Variants in NVL observed in about 807,000 individuals in gnomAD.
The protein encoded by NVL is nuclear VCP like.
In NVL, 84 loss-of-function variants were observed where a neutral mutation model predicts 110.2. The ratio of observed to expected loss-of-function variants is 0.76; its 90% CI spans 0.64 to 0.91. The LOEUF is 0.91. NVL is among the 40% of genes least tolerant of loss of function. NVL has a pLI of 0.00. For synonymous variants in NVL, 354 were observed against 361.1 expected (o/e 0.98, Z 0.22); for missense variants, 882 against 1,035.9 (o/e 0.85, Z 2.04).
chr1:224,262,226 T>C (rs1664065846), intron 18 of NVL, among the ~76,000 whole-genome samples: 1 of 151,950 alleles, frequency 6.6e-6, no homozygotes, highest in Non-Finnish European at 1.5e-5. Flanking sequence ...GGAATGAGAA[T>C]GACATGGAAC....
intron 9 of NVL, 71 bp from the exon 10 acceptor site, chr1:224,300,734 C>T: frequency 8.4e-7 from 1 of 1,186,262 alleles, no homozygotes; most frequent in Non-Finnish European, 1.2e-6. Context: ...ATCCAGTCCC[C>T]TCAAATTTTT....
chr1:224,250,187 A>G (rs78473436), intron 19 of NVL, 25 bp downstream of exon 19: 101,046 of 1,604,364 alleles, frequency 0.063, 3,726 homozygotes, highest in South Asian at 0.12. Context: ...AACATATACA[A>G]AAATATACCA....
At chr1:224,326,810 GAT>G (rs537004193) in intron 1 of NVL, among the ~76,000 whole-genome samples, 2 of 152,258 alleles carry the variant, frequency 1.3e-5, no homozygotes, top group East Asian at 3.9e-4. Context: ...GGAACACAGT[GAT>G]ATTTGACATC....
intron 19 of NVL, among the ~76,000 whole-genome samples, chr1:224,249,501 T>C (rs1046809205): frequency 2.0e-5 from 3 of 151,974 alleles, no homozygotes; most frequent in Admixed American, 1.3e-4. Flanking sequence ...TCCCAGCACT[T>C]TGGGAGGCCG....
intron 8 of NVL, among the ~76,000 whole-genome samples, chr1:224,304,481 T>C (rs1668724595): frequency 6.6e-6 from 1 of 151,956 alleles, no homozygotes; most frequent in African/African-American, 2.4e-5. Flanking sequence ...CCATTACTAT[T>C]AGTATTGCTA....
chr1:224,252,530 A>G (rs534777610), intron 18 of NVL, among the ~76,000 whole-genome samples: 1 of 152,296 alleles, frequency 6.6e-6, no homozygotes, highest in East Asian at 1.9e-4. Context: ...GAGGTAAATT[A>G]TTATTATTCC....
At chr1:224,263,199 C>T (rs1024927388) in intron 18 of NVL, among the ~76,000 whole-genome samples, 3 of 152,148 alleles carry the variant, frequency 2.0e-5, no homozygotes, top group Admixed American at 6.6e-5. Context: ...AACTGGGTCC[C>T]TCCCTCTATA....
At chr1:224,255,199 T>TC (rs1663063885) in intron 18 of NVL, among the ~76,000 whole-genome samples, 1 of 138,712 alleles carries the variant, frequency 7.2e-6, no homozygotes, top group Non-Finnish European at 1.6e-5. Flanking sequence ...TTTTTTTTTT[T>TC]TTTTTCCTGA....
intron 11 of NVL, among the ~76,000 whole-genome samples, chr1:224,295,161 T>A (rs1006995054): frequency 3.3e-5 from 5 of 152,078 alleles, no homozygotes; most frequent in Non-Finnish European, 7.4e-5. Flanking sequence ...GGTAGTAAGA[T>A]GCTAATTAAA....
rs148926698 is a variant in NVL, at chr1:224,253,320, G to C, written c.2183-3002C>G. ...CCGCCTTAGCCTCCCGAAGTGCTGG[G>C]ATTACAGGCCTGAGCCACGGCTCCC... On this transcript the variant is annotated intron_variant, in intron 18 of 22. Coordinates refer to ENST00000281701, the MANE Select transcript of NVL (RefSeq NM_002533.4). Among the ~76,000 whole-genome samples, 53 of 151,880 alleles carry C rather than the reference G, an allele frequency of 3.5e-4. No homozygotes were observed. The East Asian group carries it at 8.4e-3, about 24-fold the overall frequency.
chr1:224,228,893 C>A (rs1398912384), intron 22 of NVL, among the ~76,000 whole-genome samples: 1 of 125,912 alleles, frequency 7.9e-6, no homozygotes, highest in South Asian at 2.6e-4. Flanking sequence ...GAGCCGAGAT[C>A]GCGCCATTGC....
At chr1:224,260,698 CCTTT>C in intron 18 of NVL, among the ~76,000 whole-genome samples, 1 of 144,358 alleles carries the variant, frequency 6.9e-6, no homozygotes, top group Non-Finnish European at 1.5e-5. Context: ...TTCTTCTTTT[CCTTT>C]TTTTTTTTTT....
chr1:224,241,824 C>T (rs1661226166), intron 19 of NVL, among the ~76,000 whole-genome samples: 1 of 149,970 alleles, frequency 6.7e-6, no homozygotes, highest in Non-Finnish European at 1.5e-5. Context: ...CCACTGCACT[C>T]CAGCCTAGGG....
intron 18 of NVL, among the ~76,000 whole-genome samples, chr1:224,259,712 T>C (rs1001564407): frequency 2.0e-5 from 3 of 152,256 alleles, no homozygotes; most frequent in African/African-American, 7.2e-5. Context: ...TGGAGTGCAG[T>C]GGCACAATCT....
intron 4 of NVL, 47 bp downstream of exon 4, chr1:224,317,647 A>C: frequency 8.9e-7 from 1 of 1,117,516 alleles, no homozygotes; most frequent in South Asian, 1.3e-5. Context: ...GGAATGTAAC[A>C]TGATAAAGTT....
At chr1:224,289,773 C>A in intron 12 of NVL, 40 bp from the exon 13 acceptor site, 1 of 1,572,840 alleles carries the variant, frequency 6.4e-7, no homozygotes, top group Non-Finnish European at 8.6e-7. Flanking sequence ...GATTCCTGAT[C>A]TAATAGTAAA....
intron 16 of NVL, 58 bp downstream of exon 16, chr1:224,281,065 A>C: frequency 6.9e-7 from 1 of 1,444,030 alleles, no homozygotes. Flanking sequence ...TTACCCCGTA[A>C]TTTGCATGAC....
rs2102652934 is a variant in NVL at position 224,294,138 on chromosome 1, A to C, written c.1325+129T>G. ...TTAATGTGGGCTTCTCCTTTTCCAA[A>C]TCAATTTAATTGGTACAAAAAGAAA... On this transcript the variant is annotated intron_variant, in intron 12 of 22. Coordinates refer to ENST00000281701, the MANE Select transcript of NVL (RefSeq NM_002533.4). 2.9e-6 allele frequency: 3 copies of C among 1,029,276 alleles called. No homozygotes were observed. In the East Asian group the frequency reaches 7.5e-5, roughly 26 times the overall value. The allele number at this position is 1,029,276 out of a possible 1,614,324, so 63.8% of individuals were successfully genotyped here.
rs915721225 is a variant in NVL, at chr1:224,238,541, A to G, written c.2290-1959T>C. Among the ~76,000 whole-genome samples, 6 of 152,236 alleles carry G rather than the reference A, an allele frequency of 3.9e-5. 1 individual carries two copies. In the East Asian group the frequency reaches 1.2e-3, roughly 29 times the overall value. The stretch of plus-strand genomic sequence containing the variant: ...TACATCTGTTAGTTGCTATCACTAA[A>G]TAAAATGGACATGTTATCTACCACA... On this transcript the variant is annotated intron_variant, in intron 19 of 22. Coordinates refer to ENST00000281701, the MANE Select transcript of NVL (RefSeq NM_002533.4).
Sources: gnomAD v4.1 joint callset for allele counts (sites outside exome capture counted in the v4.1 genomes callset) on GRCh38, gnomAD v4.1.1 for gene constraint, MANE v1.5 for transcripts, NCBI Gene and HGNC (gene_info 2026-07-23, HGNC 2026-07-21) for gene names.